Variants in ARSF observed in about 807,000 individuals in gnomAD.
The protein encoded by ARSF is arylsulfatase F.
ARSF carries 33 observed loss-of-function variants against 35.4 expected under a neutral mutation model. That is an observed-to-expected ratio of 0.93 (90% confidence interval 0.71 to 1.25). The LOEUF (loss-of-function observed/expected upper bound fraction) is 1.25, where lower values mean the gene tolerates loss of function less well. ARSF is among the 50% of genes most tolerant of loss of function. The pLI, the probability that ARSF is intolerant of heterozygous loss-of-function variation, is 0.00. For synonymous variants in ARSF, 222 were observed against 193.1 expected (o/e 1.15, Z -1.24); for missense variants, 501 against 480.2 (o/e 1.04, Z -0.40).
intron 4 of ARSF, among the ~76,000 whole-genome samples, chrX:3,077,840 G>A (rs928788250): frequency 2.3e-5 from 2 of 88,052 alleles, no homozygotes; most frequent in Non-Finnish European, 4.5e-5. Flanking sequence ...GTCTCGCTCT[G>A]TTACCCAGGC....
chrX:3,051,725 G>A (rs1470331405), intron 1 of ARSF, among the ~76,000 whole-genome samples: 1 of 111,740 alleles, frequency 8.9e-6, no homozygotes, highest in African/African-American at 3.2e-5. Flanking sequence ...CAGGCATGGT[G>A]GCTCACTCCT....
In ARSF at chrX:3,067,193, TC is replaced by T. The variant is rs2090072002; in HGVS notation, c.-28-878del. On this transcript the variant is annotated intron_variant, in intron 1 of 10. Coordinates refer to ENST00000381127, the MANE Select transcript of ARSF (RefSeq NM_001201539.2). ...GTCTGTGTAGTGTGTATAGTATGTG[TC>T]CAGAGTATACATGCTTTGGAACAAA... 2.8e-5 allele frequency among the ~76,000 whole-genome samples: 3 copies of T among 108,930 alleles called. No individual in the cohort carries two copies. The South Asian group carries it at 1.2e-3, about 45-fold the overall frequency. The allele number at this position is 108,930 out of a possible 115,157, so 94.6% of individuals were successfully genotyped here.
chrX:3,089,624 C>T lies in ARSF; in HGVS notation c.959C>T (p.Ser320Phe), dbSNP rs749768256. 7 of 1,208,711 alleles carry T rather than the reference C, an allele frequency of 5.8e-6. No individual in the cohort carries two copies. In the African/African-American group the frequency reaches 1.2e-4, roughly 21 times the overall value. The part of the protein sequence containing the change: ...LYGDNVEEMD[S>F]MVGKILDAID... ...GGGGATAATGTGGAAGAGATGGACT[C>T]CATGGTGGGTAAGTCACAGGACTTA... The change falls in exon 7 of 11, where the codon TCC (serine) becomes TTC (phenylalanine). Residue 320 changes from serine to phenylalanine, a missense_variant. Coordinates refer to ENST00000381127, the MANE Select transcript of ARSF (RefSeq NM_001201539.2).
At chrX:3,065,320 A>T (rs1212471192) in intron 1 of ARSF, among the ~76,000 whole-genome samples, 1 of 109,076 alleles carries the variant, frequency 9.2e-6, no homozygotes, top group Non-Finnish European at 1.9e-5. Flanking sequence ...GCATTGGGAG[A>T]GATACCTAAT....
chrX:3,078,656 T>A (rs1314084090), intron 4 of ARSF, among the ~76,000 whole-genome samples: 1 of 110,691 alleles, frequency 9.0e-6, no homozygotes, highest in Non-Finnish European at 1.9e-5. Flanking sequence ...CCCGCCACCA[T>A]GCCCAGCTAA....
chrX:3,044,038 T>A lies in ARSF; in HGVS notation c.-29+2375T>A, dbSNP rs1383767534. 2.7e-5 allele frequency among the ~76,000 whole-genome samples: 3 copies of A among 111,565 alleles called. No homozygotes were observed. The South Asian group carries it at 1.1e-3, about 42-fold the overall frequency. On this transcript the variant is annotated intron_variant, in intron 1 of 10. Coordinates refer to ENST00000381127, the MANE Select transcript of ARSF (RefSeq NM_001201539.2). ...CTGAGCTCAAGCGATCCACCCGTCT[T>A]GGCCTCCTAAAGTGCTAGGATTACA...
chrX:3,089,926 A>C (rs1475610290), intron 7 of ARSF, among the ~76,000 whole-genome samples: 1 of 112,077 alleles, frequency 8.9e-6, no homozygotes, highest in Non-Finnish European at 1.9e-5. Flanking sequence ...CAAAAATTTC[A>C]ACTCTTGTTT....
chrX:3,104,956 G>T (rs2090403062), intron 9 of ARSF, among the ~76,000 whole-genome samples: 1 of 111,553 alleles, frequency 9.0e-6, no homozygotes, highest in Non-Finnish European at 1.9e-5. Flanking sequence ...TGAATACTTT[G>T]AATTTCTTCA....
intron 1 of ARSF, among the ~76,000 whole-genome samples, chrX:3,045,447 T>C (rs1004394453): frequency 1.8e-5 from 2 of 111,051 alleles, no homozygotes; most frequent in Non-Finnish European, 3.8e-5. Context: ...ATGATTTACA[T>C]AGGACGCAAA....
chrX:3,076,257 GTCTCTT>G lies in ARSF; in HGVS notation c.162-285_162-280del, dbSNP rs370961274. Among the ~76,000 whole-genome samples the G allele has an allele frequency of 4.3e-3, 459 of 106,743 alleles. 3 individuals carry two copies. The highest frequency in any genetic ancestry group is 0.015 in the African/African-American group (433 of 29,224). The allele number at this position is 106,743 out of a possible 115,157, so 92.7% of individuals were successfully genotyped here. A position where few individuals can be genotyped will look rare whatever the true frequency, so the allele number is the denominator to read the frequency against. Reference sequence around the variant, plus strand: ...TTTCTCTCTGTGTGTCTTACCCTTTGTCTCTTTCTCTGTCTCTTTTCATCTCTCTCT... The same window carrying G: ...TTTCTCTCTGTGTGTCTTACCCTTTGTCTCTGTCTCTTTTCATCTCTCTCT... On this transcript the variant is annotated intron_variant, in intron 3 of 10. Transcript: ENST00000381127.
chrX:3,090,929 G>A (rs1276877198), intron 7 of ARSF, among the ~76,000 whole-genome samples: 1 of 97,685 alleles, frequency 1.0e-5, no homozygotes, highest in South Asian at 4.6e-4. Flanking sequence ...TTTTTTTTTT[G>A]AGACAAGATC....
chrX:3,063,320 T>C (rs747293246), intron 1 of ARSF, among the ~76,000 whole-genome samples: 3 of 111,451 alleles, frequency 2.7e-5, no homozygotes, highest in Admixed American at 1.9e-4. Context: ...TAATAAGAGC[T>C]ATTTATGACA....
At chrX:3,085,736 T>C in intron 6 of ARSF, among the ~76,000 whole-genome samples, 1 of 111,390 alleles carries the variant, frequency 9.0e-6, no homozygotes, top group South Asian at 3.8e-4. Context: ...TAAGGTGTCT[T>C]GTGTACTCTG....
rs141758999 is a variant in ARSF at position 3,070,728 on chromosome X, C to A, written c.12-1298C>A. Among the ~76,000 whole-genome samples the A allele has an allele frequency of 1.6e-3, 178 of 111,445 alleles. 1 individual carries two copies. The highest frequency in any genetic ancestry group is 5.3e-3 in the African/African-American group (162 of 30,705). On this transcript the variant is annotated intron_variant, in intron 2 of 10. Coordinates refer to ENST00000381127, the MANE Select transcript of ARSF (RefSeq NM_001201539.2). Reference sequence around the variant, plus strand: ...GTGCGGTCTTTGATCCCTCACTCCCCTCCCACCCTTTCCCTGAGTCCCCAA... The same window carrying A: ...GTGCGGTCTTTGATCCCTCACTCCCATCCCACCCTTTCCCTGAGTCCCCAA...
intron 8 of ARSF, among the ~76,000 whole-genome samples, chrX:3,101,677 C>T (rs978737555): frequency 9.0e-6 from 1 of 111,365 alleles, no homozygotes; most frequent in East Asian, 2.8e-4. Flanking sequence ...AGAAAGTAGA[C>T]AAGCCTGTCT....
At chrX:3,086,444 T>C (rs1199209071) in intron 6 of ARSF, among the ~76,000 whole-genome samples, 2 of 112,155 alleles carry the variant, frequency 1.8e-5, no homozygotes, top group Non-Finnish European at 3.8e-5. Flanking sequence ...GACAATAAGC[T>C]CATGGCTTAG....
intron 1 of ARSF, chrX:3,058,688 A>G: frequency 3.3e-6 from 1 of 299,456 alleles, no homozygotes. Context: ...CCTTGTCTCT[A>G]CAAAAAAATA....
intron 9 of ARSF, among the ~76,000 whole-genome samples, chrX:3,109,682 C>G (rs2090431569): frequency 1.8e-5 from 2 of 111,598 alleles, no homozygotes; most frequent in Non-Finnish European, 3.8e-5. Flanking sequence ...TAAGTGAGAA[C>G]ATGGTGATTG....
chrX:3,061,195 C>A (rs1248309787), intron 1 of ARSF, among the ~76,000 whole-genome samples: 2 of 111,227 alleles, frequency 1.8e-5, no homozygotes, highest in Admixed American at 1.9e-4. Flanking sequence ...TCATATCCAG[C>A]CATACTAAGC....
Sources: gnomAD v4.1 joint callset for allele counts (sites outside exome capture counted in the v4.1 genomes callset) on GRCh38, gnomAD v4.1.1 for gene constraint, MANE v1.5 for transcripts, NCBI Gene and HGNC (gene_info 2026-07-23, HGNC 2026-07-21) for gene names.